The following RNGTT variants were observed in gnomAD, a reference collection of about 807,000 sequenced individuals.
The protein encoded by RNGTT is mRNA-capping enzyme.
In RNGTT, 33 loss-of-function variants were observed where a neutral mutation model predicts 79.3. The observed-to-expected ratio is 0.42, with a 90% CI of 0.32 to 0.56. The LOEUF (loss-of-function observed/expected upper bound fraction) is 0.56. Among genes scored for constraint, RNGTT ranks in the 20% least tolerant of loss-of-function variants. The pLI, the probability that RNGTT is intolerant of heterozygous loss-of-function variation, is 0.17. For synonymous variants in RNGTT, 222 were observed against 235.9 expected (o/e 0.94, Z 0.54); for missense variants, 497 against 739.1 (o/e 0.67, Z 3.80).
At chr6:88,654,295 T>G (rs1773898989) in intron 14 of RNGTT, among the ~76,000 whole-genome samples, 1 of 152,166 alleles carries the variant, frequency 6.6e-6, no homozygotes. Flanking sequence ...TTCCTCATCA[T>G]TAAGAGTATT....
At chr6:88,672,910 T>C (rs1200579431) in intron 14 of RNGTT, among the ~76,000 whole-genome samples, 3 of 152,160 alleles carry the variant, frequency 2.0e-5, no homozygotes, top group Admixed American at 6.5e-5. Flanking sequence ...GTAGGAATAA[T>C]TGTAATGCTC....
At chr6:88,845,154 T>C (rs1348705966) in intron 10 of RNGTT, among the ~76,000 whole-genome samples, 1 of 151,426 alleles carries the variant, frequency 6.6e-6, no homozygotes, top group Non-Finnish European at 1.5e-5. Context: ...CACACCAAAA[T>C]AGGTCGCACA....
rs1019270088 is a variant in RNGTT, at chr6:88,745,669, T to C, written c.1439+24105A>G. On this transcript the variant is annotated intron_variant, in intron 13 of 15. Coordinates refer to ENST00000369485, the MANE Select transcript of RNGTT (RefSeq NM_003800.5). ...TCTAAATACATTAGAAGTTACAAAA[T>C]GGTGATAGTCTATTATTCCTTCTTC... Among the ~76,000 whole-genome samples the C allele has an allele frequency of 2.0e-5, 3 of 152,064 alleles. No individual in the cohort carries two copies. The East Asian group carries it at 5.8e-4, about 29-fold the overall frequency.
rs140455862 is a variant in RNGTT at position 88,852,422 on chromosome 6, T to C, written c.1032+1207A>G. Reference sequence around the variant, plus strand: ...TAAATAAAGATAACAAAAACTAAAATGTTCCTGCTGTTCCCATGAACCAAC... The same window carrying C: ...TAAATAAAGATAACAAAAACTAAAACGTTCCTGCTGTTCCCATGAACCAAC... On this transcript the variant is annotated intron_variant, in intron 9 of 15. Transcript: ENST00000369485. Among the ~76,000 whole-genome samples, 1,178 of 152,198 alleles carry C rather than the reference T, an allele frequency of 7.7e-3. 6 individuals carry two copies. Among genetic ancestry groups the C allele is most frequent in the Middle Eastern group, 0.014 (4 of 294 alleles).
chr6:88,863,937 C>A (rs925232050), intron 8 of RNGTT, among the ~76,000 whole-genome samples: 4 of 152,078 alleles, frequency 2.6e-5, no homozygotes, highest in Non-Finnish European at 5.9e-5. Context: ...CCAAAAATCT[C>A]ATCCAATATT....
At chr6:88,783,067 C>T (rs1284082385) in intron 12 of RNGTT, among the ~76,000 whole-genome samples, 1 of 152,130 alleles carries the variant, frequency 6.6e-6, no homozygotes, top group African/African-American at 2.4e-5. Context: ...GTATTGAAAA[C>T]AGGATCATGA....
At chr6:88,873,574 T>C (rs771438383) in intron 8 of RNGTT, among the ~76,000 whole-genome samples, 1 of 152,026 alleles carries the variant, frequency 6.6e-6, no homozygotes, top group Non-Finnish European at 1.5e-5. Context: ...ACAAAAAATA[T>C]ATATAGACAG....
chr6:88,822,849 C>G (rs1780538354), intron 11 of RNGTT, among the ~76,000 whole-genome samples: 1 of 152,136 alleles, frequency 6.6e-6, no homozygotes, highest in African/African-American at 2.4e-5. Flanking sequence ...GAAAAGAAGT[C>G]TTTTCAACAA....
intron 12 of RNGTT, among the ~76,000 whole-genome samples, chr6:88,787,783 G>C (rs1779280643): frequency 6.6e-6 from 1 of 152,140 alleles, no homozygotes; most frequent in African/African-American, 2.4e-5. Context: ...AACTGGATTA[G>C]AGTAGTAGCA....
chr6:88,811,788 G>T (rs1011553449), intron 11 of RNGTT, among the ~76,000 whole-genome samples: 4 of 152,102 alleles, frequency 2.6e-5, no homozygotes, highest in African/African-American at 9.7e-5. Flanking sequence ...ATTCTACTCA[G>T]ACATCTTCTG....
chr6:88,899,899 A>T (rs1039596969), intron 6 of RNGTT, among the ~76,000 whole-genome samples: 1 of 152,200 alleles, frequency 6.6e-6, no homozygotes, highest in South Asian at 2.1e-4. Flanking sequence ...CACACTTTCA[A>T]TGAAGATCCT....
chr6:88,841,036 C>G (rs749259289), intron 11 of RNGTT, among the ~76,000 whole-genome samples: 4 of 152,140 alleles, frequency 2.6e-5, no homozygotes, highest in Non-Finnish European at 5.9e-5. Context: ...ACTGTATTTA[C>G]AATTTAGAAA....
intron 4 of RNGTT, among the ~76,000 whole-genome samples, chr6:88,920,300 C>T (rs1457408082): frequency 6.6e-6 from 1 of 151,988 alleles, no homozygotes; most frequent in East Asian, 1.9e-4. Flanking sequence ...AACATCCTGC[C>T]GTTTTCTTTG....
chr6:88,621,152 C>G (rs1772429705), intron 14 of RNGTT, among the ~76,000 whole-genome samples: 1 of 152,160 alleles, frequency 6.6e-6, no homozygotes, highest in South Asian at 2.1e-4. Flanking sequence ...TTCATTCATC[C>G]TTTCTGATCC....
At chr6:88,853,804 A>C (rs974781798) in intron 8 of RNGTT, 40 bp from the exon 9 acceptor site, 1 of 1,306,616 alleles carries the variant, frequency 7.7e-7, no homozygotes, top group African/African-American at 1.5e-5. Context: ...TTACAGTATA[A>C]TATCAAGAAC....
chr6:88,632,406 A>G (rs753314464), intron 14 of RNGTT, among the ~76,000 whole-genome samples: 21 of 152,192 alleles, frequency 1.4e-4, no homozygotes, highest in Non-Finnish European at 2.4e-4. Context: ...GGAGTCATCT[A>G]TAAGACAATC....
At chr6:88,753,981 C>A (rs981708500) in intron 13 of RNGTT, among the ~76,000 whole-genome samples, 2 of 152,076 alleles carry the variant, frequency 1.3e-5, no homozygotes, top group Non-Finnish European at 1.5e-5. Flanking sequence ...TTATTCTGCC[C>A]ATCTCCTCCC....
At chr6:88,873,598 A>C (rs1457118674) in intron 8 of RNGTT, among the ~76,000 whole-genome samples, 1 of 152,156 alleles carries the variant, frequency 6.6e-6, no homozygotes, top group Non-Finnish European at 1.5e-5. Context: ...GAAAAGTCTA[A>C]AAGCATACAC....
At chr6:88,646,243 A>T (rs1403914840) in intron 14 of RNGTT, among the ~76,000 whole-genome samples, 1 of 152,226 alleles carries the variant, frequency 6.6e-6, no homozygotes, top group African/African-American at 2.4e-5. Flanking sequence ...ACACATGGAA[A>T]CATGCTCATC....
Sources: allele counts gnomAD v4.1 joint callset (sites outside exome capture counted in the v4.1 genomes callset), GRCh38; gene constraint gnomAD v4.1.1; transcripts MANE v1.5; gene names NCBI Gene and HGNC (gene_info 2026-07-23, HGNC 2026-07-21).